The following CLIC5 variants were observed in gnomAD, a reference collection of about 807,000 sequenced individuals.
CLIC5 encodes the protein CLIC family member 5, also known as chloride intracellular channel protein 5.
Under a neutral mutation model 24.7 loss-of-function variants are expected in CLIC5, and 20 were observed. The observed-to-expected ratio is 0.81, with a 90% CI of 0.57 to 1.18. The LOEUF (loss-of-function observed/expected upper bound fraction) is 1.18, where lower values mean the gene tolerates loss of function less well. CLIC5 is among the 50% of genes most tolerant of loss of function. CLIC5 has a pLI of 0.00. For missense variants in CLIC5, 341 were observed against 326.1 expected (o/e 1.05, Z -0.35); for synonymous variants, 159 against 135.6 (o/e 1.17, Z -1.20).
At chr6:45,898,309 T>G (rs1319544967), downstream of CLIC5, 1 of 152,172 alleles carries the variant, frequency 6.6e-6, no homozygotes, top group Non-Finnish European at 1.5e-5. Flanking sequence ...CAGGCATGCT[T>G]TGATTTTTAA....
rs180834215 is a variant in CLIC5, at chr6:45,953,370, G to T, written c.173+1765C>A. On this transcript the variant is annotated intron_variant, in intron 2 of 5. Coordinates refer to ENST00000339561, the MANE Select transcript of CLIC5 (RefSeq NM_016929.5). ...GCTGGGTGAGTCTGGAGGGAGGTTG[G>T]GTTGACAGGTGTGCTTGTATGAGTG... 8.5e-5 allele frequency among the ~76,000 whole-genome samples: 13 copies of T among 152,278 alleles called. No homozygotes were observed. In the East Asian group the frequency reaches 2.3e-3, roughly 27 times the overall value.
intron 3 of CLIC5, among the ~76,000 whole-genome samples, chr6:45,944,327 A>G (rs1003847508): frequency 6.6e-6 from 1 of 152,260 alleles, no homozygotes; most frequent in African/African-American, 2.4e-5. Flanking sequence ...ATTCATTTAC[A>G]TACTAGTTTA....
intron 5 of CLIC5, among the ~76,000 whole-genome samples, chr6:45,907,571 T>C (rs1439418859): frequency 6.6e-6 from 1 of 152,192 alleles, no homozygotes; most frequent in East Asian, 1.9e-4. Context: ...CCTTCCTTGA[T>C]ATTTTGGAAT....
intron 1 of CLIC5, among the ~76,000 whole-genome samples, chr6:46,012,719 T>C (rs1409724663): frequency 6.6e-6 from 1 of 152,226 alleles, no homozygotes; most frequent in African/African-American, 2.4e-5. Flanking sequence ...TTACCTACTT[T>C]CTGTGAGCAC....
chr6:46,081,983 C>G (rs940543588), upstream of CLIC5, among the ~76,000 whole-genome samples: 3 of 152,178 alleles, frequency 2.0e-5, no homozygotes, highest in African/African-American at 7.2e-5. Context: ...TACTACATAT[C>G]TGTTTGCATA....
intron 6 of CLIC5, among the ~76,000 whole-genome samples, chr6:45,884,434 T>TA (rs1303392324): frequency 1.3e-5 from 2 of 152,168 alleles, no homozygotes; most frequent in Non-Finnish European, 2.9e-5. Flanking sequence ...CCAGCATCCC[T>TA]AGCAGGACTT....
At chr6:46,039,556 C>T (rs567330747) in intron 1 of CLIC5, among the ~76,000 whole-genome samples, 13 of 151,314 alleles carry the variant, frequency 8.6e-5, no homozygotes, top group East Asian at 3.9e-4. Flanking sequence ...AAAAAGAAAA[C>T]GAATAAAATA....
At chr6:46,125,188 C>G in the CLIC5 span, among the ~76,000 whole-genome samples, 2 of 151,994 alleles carry the variant, frequency 1.3e-5, no homozygotes. Flanking sequence ...AAATGTCCAA[C>G]AATGATAGAC....
chr6:46,081,818 T>G (rs1402785694), upstream of CLIC5, among the ~76,000 whole-genome samples: 2 of 152,198 alleles, frequency 1.3e-5, no homozygotes, highest in African/African-American at 4.8e-5. Flanking sequence ...TTAGCTGTGG[T>G]TTTTGAACCT....
At chr6:45,946,774 C>T (rs1194010237) in intron 3 of CLIC5, among the ~76,000 whole-genome samples, 2 of 152,214 alleles carry the variant, frequency 1.3e-5, no homozygotes, top group Admixed American at 1.3e-4. Context: ...CTGCCTCAGT[C>T]TGATGGGTGC....
At chr6:46,093,198 T>A in the CLIC5 span, among the ~76,000 whole-genome samples, 5,488 of 152,286 alleles carry the variant, frequency 0.036, 139 homozygotes, top group Middle Eastern at 0.071. Flanking sequence ...TCACATTATA[T>A]TTATTATAAT....
In CLIC5 at chr6:45,900,525, T is replaced by A. The variant is rs568093188; in HGVS notation, c.*2563A>T. On this transcript the variant is annotated 3_prime_UTR_variant, in exon 6 of 6. Transcript: ENST00000339561. ...TGAAGCATCTGGAGAAAGATCTCTT[T>A]TGAAACAAAAAAAAAAAGGAAGGTA... is the stretch of plus-strand genomic sequence containing the variant. 2.2e-5 allele frequency: 1 copy of A among 46,270 alleles called. No homozygotes were observed. Among genetic ancestry groups the A allele is most frequent in the East Asian group, 8.8e-4 (1 of 1,132 alleles). 2.9% of individuals were successfully genotyped at this position (46,270 alleles called of 1,614,324 possible).
chr6:46,089,506 G>A, the CLIC5 span, among the ~76,000 whole-genome samples: 1 of 152,110 alleles, frequency 6.6e-6, no homozygotes, highest in Non-Finnish European at 1.5e-5. Context: ...AACTATCACT[G>A]TGATTCATTC....
chr6:45,962,417 C>T (rs767749977), intron 1 of CLIC5, among the ~76,000 whole-genome samples: 96 of 150,362 alleles, frequency 6.4e-4, no homozygotes, highest in Admixed American at 3.3e-3. Flanking sequence ...TTCTATGAGG[C>T]CTACCCACAC....
chr6:46,116,987 T>G, the CLIC5 span, among the ~76,000 whole-genome samples: 1 of 152,210 alleles, frequency 6.6e-6, no homozygotes. Context: ...CAAGTAAGAC[T>G]CTAATGTAAA....
chr6:46,061,953 GA>G (rs1231989722), intron 1 of CLIC5, among the ~76,000 whole-genome samples: 1 of 152,188 alleles, frequency 6.6e-6, no homozygotes, highest in Non-Finnish European at 1.5e-5. Flanking sequence ...TCTGAACCCA[GA>G]TCTCCCTGTA....
chr6:45,996,065 G>A (rs1766125855), intron 1 of CLIC5, among the ~76,000 whole-genome samples: 1 of 151,072 alleles, frequency 6.6e-6, no homozygotes, highest in East Asian at 1.9e-4. Flanking sequence ...AAACCACCAT[G>A]GCACATGTTT....
intron 5 of CLIC5, among the ~76,000 whole-genome samples, chr6:45,913,456 T>C (rs938349471): frequency 1.3e-5 from 2 of 152,302 alleles, no homozygotes; most frequent in African/African-American, 4.8e-5. Flanking sequence ...TAAAGAACAA[T>C]GATTTAATAA....
intron 1 of CLIC5, among the ~76,000 whole-genome samples, chr6:46,067,240 G>A (rs1762467825): frequency 2.0e-5 from 3 of 151,974 alleles, no homozygotes; most frequent in Admixed American, 2.0e-4. Flanking sequence ...GCCCCCACAG[G>A]ACACGGAGCT....
Sources: allele counts gnomAD v4.1 joint callset (sites outside exome capture counted in the v4.1 genomes callset), GRCh38; gene constraint gnomAD v4.1.1; transcripts MANE v1.5; gene names NCBI Gene and HGNC (gene_info 2026-07-23, HGNC 2026-07-21).